The following TMEM59 variants were observed in gnomAD, a reference collection of about 807,000 sequenced individuals.
The protein encoded by TMEM59 is dendritic cell factor 1.
Under a neutral mutation model 42.2 loss-of-function variants are expected in TMEM59, and 44 were observed. That is an observed-to-expected ratio of 1.04 (90% CI 0.82 to 1.34). The LOEUF is 1.34. TMEM59 is among the 40% of genes most tolerant of loss of function. The pLI is 0.00. For synonymous variants in TMEM59, 148 were observed against 145.8 expected (o/e 1.02, Z -0.11); for missense variants, 359 against 382.8 (o/e 0.94, Z 0.52).
At chr1:54,036,576 G>A in intron 7 of TMEM59, 34 bp downstream of exon 7, 3 of 1,432,018 alleles carry the variant, frequency 2.1e-6, no homozygotes, top group Non-Finnish European at 1.9e-6. Context: ...TATATCACAG[G>A]GCTCAGTCTT....
chr1:54,027,261 C>G lies in TMEM59; in HGVS notation c.*4889G>C, dbSNP rs1236959906. ...ACCATGCAGTCTTATTTTGTGTTAA[C>G]AGAATATGTATGTTACTGGATCATA... On this transcript the variant is annotated 3_prime_UTR_variant, in exon 8 of 8. Transcript: ENST00000234831. The G allele has an allele frequency of 6.6e-6, 1 of 152,136 alleles. No individual in the cohort carries two copies. Among genetic ancestry groups the G allele is most frequent in the Non-Finnish European group, 1.5e-5 (1 of 68,020 alleles). 9.4% of individuals were successfully genotyped at this position (152,136 alleles called of 1,614,324 possible). A position where few individuals can be genotyped will look rare whatever the true frequency, so the allele number is the denominator to read the frequency against.
At chr1:54,045,960 T>C (rs1160791636) in intron 2 of TMEM59, among the ~76,000 whole-genome samples, 174 bp from the exon 3 acceptor site, 3 of 152,246 alleles carry the variant, frequency 2.0e-5, no homozygotes, top group Non-Finnish European at 4.4e-5. Context: ...AACTCCATAT[T>C]GTCTCCCTCC....
At chr1:54,044,977 TG>T (rs1190881532) in intron 3 of TMEM59, 1 of 151,874 alleles carries the variant, frequency 6.6e-6, no homozygotes, top group Non-Finnish European at 1.5e-5. Context: ...GAGACAGGAG[TG>T]GGAGACTTTT....
intron 1 of TMEM59, among the ~76,000 whole-genome samples, chr1:54,049,956 A>T (rs1433360001): frequency 6.6e-6 from 1 of 152,238 alleles, no homozygotes. Context: ...GGCTCTAATT[A>T]GCTTTTTTAT....
chr1:54,051,294 T>C (rs566939199), intron 1 of TMEM59, among the ~76,000 whole-genome samples: 3 of 152,338 alleles, frequency 2.0e-5, no homozygotes, highest in South Asian at 2.1e-4. Context: ...TCCTTAATTT[T>C]AAAACCCTAC....
At chr1:54,048,697 G>C (rs1359617129) in intron 1 of TMEM59, 2 of 452,930 alleles carry the variant, frequency 4.4e-6, no homozygotes, top group African/African-American at 4.1e-5. Flanking sequence ...TAAGGAAACA[G>C]CATGTGCATA....
intron 1 of TMEM59, among the ~76,000 whole-genome samples, chr1:54,051,693 C>A (rs1428540508): frequency 6.6e-6 from 1 of 152,136 alleles, no homozygotes; most frequent in African/African-American, 2.4e-5. Flanking sequence ...TCATACAATC[C>A]TCTTAATGAT....
rs1472075416 is a variant in TMEM59 at position 54,029,540 on chromosome 1, G to A, written c.*2610C>T. The A allele has an allele frequency of 6.6e-6, 1 of 152,192 alleles. No individual in the cohort carries two copies. Among genetic ancestry groups the A allele is most frequent in the Non-Finnish European group, 1.5e-5 (1 of 68,046 alleles). The allele number at this position is 152,192 out of a possible 1,614,324, so 9.4% of individuals were successfully genotyped here. ...GGAAACAAGGAGCTAAGTAAAGTTAGGCACATCCAAGAAGGGCAAAACTGT... is the reference window on the plus strand; with the variant it reads ...GGAAACAAGGAGCTAAGTAAAGTTAAGCACATCCAAGAAGGGCAAAACTGT... On this transcript the variant is annotated 3_prime_UTR_variant, in exon 8 of 8. Transcript: ENST00000234831.
intron 1 of TMEM59, chr1:54,048,739 T>G (rs1466523685): frequency 2.7e-6 from 1 of 376,862 alleles, no homozygotes; most frequent in Non-Finnish European, 5.5e-6. Context: ...ATACAAGCTA[T>G]GTATTTCTTT....
chr1:54,032,048 T>C lies in TMEM59; in HGVS notation c.*102A>G, dbSNP rs1656780011. On this transcript the variant is annotated 3_prime_UTR_variant, in exon 8 of 8. Transcript: ENST00000234831. ...TTTGAGTAACTTTATTTGCATTTTA[T>C]AGTGATTTCTTAAGGCCTATATCCA... 1.9e-6 allele frequency: 2 copies of C among 1,043,020 alleles called. No homozygotes were observed. Among genetic ancestry groups the C allele is most frequent in the Non-Finnish European group, 2.6e-6 (2 of 770,254 alleles). The allele number at this position is 1,043,020 out of a possible 1,614,324, so 64.6% of individuals were successfully genotyped here.
At chr1:54,043,270 A>C (rs1657204253) in intron 4 of TMEM59, 103 bp downstream of exon 4, 2 of 1,042,228 alleles carry the variant, frequency 1.9e-6, no homozygotes, top group African/African-American at 3.3e-5. Flanking sequence ...GATGATAAAT[A>C]TTTGTAAGTG....
intron 1 of TMEM59, among the ~76,000 whole-genome samples, chr1:54,050,799 T>C (rs1657509032): frequency 6.6e-6 from 1 of 150,632 alleles, no homozygotes; most frequent in Non-Finnish European, 1.5e-5. Flanking sequence ...TGACCTGAGG[T>C]GATCCACCCG....
chr1:54,053,528 A>G (rs1168604820), upstream of TMEM59: 2 of 268,156 alleles, frequency 7.5e-6, no homozygotes, highest in African/African-American at 2.2e-5. Flanking sequence ...TTGGTCTCGG[A>G]AAACTACAGC....
intron 6 of TMEM59, among the ~76,000 whole-genome samples, chr1:54,038,041 C>T (rs1286556253): frequency 1.3e-5 from 2 of 152,152 alleles, no homozygotes; most frequent in Admixed American, 1.3e-4. Flanking sequence ...ATCTACTGCC[C>T]TAATCCAGAC....
At chr1:54,042,066 T>G (rs1657160005) in intron 4 of TMEM59, among the ~76,000 whole-genome samples, 1 of 151,726 alleles carries the variant, frequency 6.6e-6, no homozygotes, top group South Asian at 2.1e-4. Context: ...GTTTTTTTTT[T>G]TTTTTAAAGG....
intron 1 of TMEM59, 138 bp downstream of exon 1, chr1:54,052,862 A>C (rs977154160): frequency 1.0e-5 from 10 of 981,216 alleles, no homozygotes; most frequent in Non-Finnish European, 1.2e-5. Flanking sequence ...ATTAGGGAGG[A>C]AAACAGGAGC....
At chr1:54,053,329 G>A (rs537074566), upstream of TMEM59, 6 of 952,848 alleles carry the variant, frequency 6.3e-6, no homozygotes, top group Admixed American at 1.1e-4. Flanking sequence ...GCCCTCACCC[G>A]CCAGAAACTG....
chr1:54,045,424 T>C (rs543346816), intron 3 of TMEM59: 20 of 375,746 alleles, frequency 5.3e-5, no homozygotes, highest in African/African-American at 4.2e-4. Context: ...GCCTTGGTTT[T>C]TTCATATGTA....
At chr1:54,033,823 T>C (rs1363919909) in intron 7 of TMEM59, 1 of 151,628 alleles carries the variant, frequency 6.6e-6, no homozygotes, top group African/African-American at 2.4e-5. Flanking sequence ...TCAAAAGTGA[T>C]ACATGCTATC....
Sources: allele counts gnomAD v4.1 joint callset (sites outside exome capture counted in the v4.1 genomes callset), GRCh38; gene constraint gnomAD v4.1.1; transcripts MANE v1.5; gene names NCBI Gene and HGNC (gene_info 2026-07-23, HGNC 2026-07-21).